The following ALG9 variants were observed in gnomAD, a reference collection of about 807,000 sequenced individuals.
ALG9 encodes ALG9 alpha-1,2-mannosyltransferase.
A neutral mutation model predicts 81.8 loss-of-function variants in ALG9; 55 were observed. The ratio of observed to expected loss-of-function variants is 0.67; its 90% confidence interval spans 0.54 to 0.84. The LOEUF (loss-of-function observed/expected upper bound fraction) is 0.84, where lower values mean the gene tolerates loss of function less well. Among genes scored for constraint, ALG9 ranks in the 40% least tolerant of loss-of-function variants. ALG9 has a pLI of 0.00. For missense variants in ALG9, 629 were observed against 745.0 expected, an observed-to-expected ratio of 0.84 and a Z score of 1.81; for synonymous variants, 278 against 274.3, an observed-to-expected ratio of 1.01 and a Z score of -0.13.
intron 14 of ALG9, chr11:111,788,292 G>A (rs1555067031): frequency 7.6e-6 from 3 of 395,702 alleles, no homozygotes; most frequent in Admixed American, 3.1e-5. Flanking sequence ...CAACTAGGAC[G>A]CTGGCAGTGC....
chr11:111,837,447 A>G (rs1322547171), intron 12 of ALG9, 21 bp downstream of exon 12: 1 of 1,613,534 alleles, frequency 6.2e-7, no homozygotes, highest in African/African-American at 1.3e-5. Flanking sequence ...TTAAAACCCT[A>G]GGAATTAAAG....
rs1555157382 is a variant in ALG9 at position 111,870,382 on chromosome 11, C to CCAAAAAAAAAAAAAAAA, written c.132-13_132-12insTTTTTTTTTTTTTTTTG. 1.4e-6 allele frequency: 1 copy of CCAAAAAAAAAAAAAAAA among 728,694 alleles called. No homozygotes were observed. The highest frequency in any genetic ancestry group is 1.7e-6 in the Non-Finnish European group (1 of 595,192). The allele number at this position is 728,694 out of a possible 1,614,324, so 45.1% of individuals were successfully genotyped here. ...TGTTCCCAGATAACCTGTTCAAAAGCAAAAAAAAAAAAAAAAAAAAAAGCA... is the reference window on the plus strand; with the variant it reads ...TGTTCCCAGATAACCTGTTCAAAAGCCAAAAAAAAAAAAAAAAAAAAAAAAAAAAAAAAAAAAAAGCA... On this transcript the variant is annotated splice_polypyrimidine_tract_variant and intron_variant, in intron 1 of 14. Transcript: ENST00000616540.
Position 111,837,369 on chromosome 11 carries a change from G to A in ALG9, c.1472+99C>T, listed in dbSNP as rs1955485695. The A allele has an allele frequency of 2.1e-6, 3 of 1,409,998 alleles. No individual in the cohort carries two copies. In the African/African-American group the frequency reaches 4.2e-5, roughly 20 times the overall value. 87.3% of individuals were successfully genotyped at this position (1,409,998 alleles called of 1,614,324 possible). A position where few individuals can be genotyped will look rare whatever the true frequency, so the allele number is the denominator to read the frequency against. Reference sequence around the variant, plus strand: ...GTGGTAGATAATTCAATAACTCTCTGTGAAAACTCCAAAAGAAAACAAAAA... The same window carrying A: ...GTGGTAGATAATTCAATAACTCTCTATGAAAACTCCAAAAGAAAACAAAAA... On this transcript the variant is annotated intron_variant, in intron 12 of 14. Transcript: ENST00000616540.
At chr11:111,776,891 T>G in the ALG9 span, among the ~76,000 whole-genome samples, 1 of 152,354 alleles carries the variant, frequency 6.6e-6, no homozygotes, top group Non-Finnish European at 1.5e-5. Flanking sequence ...TTCTAAGGCC[T>G]TTCACTTTAC....
chr11:111,850,669 T>C (rs1957628778), intron 8 of ALG9, among the ~76,000 whole-genome samples: 1 of 123,008 alleles, frequency 8.1e-6, no homozygotes, highest in Non-Finnish European at 1.6e-5. Flanking sequence ...ATCGCACCAC[T>C]GCACTCCAGC....
intron 13 of ALG9, among the ~76,000 whole-genome samples, chr11:111,813,991 T>C (rs1370043773): frequency 1.3e-5 from 2 of 152,226 alleles, no homozygotes; most frequent in Admixed American, 6.5e-5. Flanking sequence ...TATTTGATGT[T>C]TGAGCCACAA....
intron 4 of ALG9, among the ~76,000 whole-genome samples, chr11:111,861,786 C>G (rs1960243281): frequency 2.0e-5 from 3 of 151,776 alleles, no homozygotes; most frequent in African/African-American, 7.3e-5. Flanking sequence ...TTTTCCCTTT[C>G]TCTTTTTTTT....
chr11:111,850,323 T>C (rs1223608125), intron 8 of ALG9, among the ~76,000 whole-genome samples: 1 of 152,158 alleles, frequency 6.6e-6, no homozygotes, highest in Non-Finnish European at 1.5e-5. Context: ...CCTGTAAGTC[T>C]GGAATATACA....
intron 1 of ALG9, 106 bp downstream of exon 1, chr11:111,871,246 G>A (rs1192838992): frequency 2.3e-6 from 3 of 1,315,178 alleles, no homozygotes; most frequent in African/African-American, 3.1e-5. Context: ...CTCCCGCGGT[G>A]AGGCCAGGCC....
intron 14 of ALG9, among the ~76,000 whole-genome samples, chr11:111,803,671 C>T (rs914131892): frequency 1.3e-5 from 2 of 152,040 alleles, no homozygotes; most frequent in Non-Finnish European, 2.9e-5. Flanking sequence ...ATACAGTTAA[C>T]TATAAATCTC....
Position 111,853,710 on chromosome 11 carries a change from A to C in ALG9, c.728T>G (p.Val243Gly). 1 of 1,614,164 alleles carries C rather than the reference A, an allele frequency of 6.2e-7. No homozygotes were observed. Among genetic ancestry groups the C allele is most frequent in the South Asian group, 1.1e-5 (1 of 91,088 alleles). The change falls in exon 7 of 15, where the codon GTC becomes GGC. Residue 243 changes from valine to glycine, a missense_variant. This residue lies in a region of ALG9 where 344 missense variants were observed against 390.5 expected (regional missense o/e 0.88). Coordinates refer to ENST00000616540, the MANE Select transcript of ALG9 (RefSeq NM_024740.2). ...GAAACTCTTCCACCTGTGTTTCATG[A>C]CCAGCAAATCAAAGGCAATGGGTAA... ...LGLPIAFDLLVMKHRWKSFFH... is the reference protein window; with the variant it reads ...LGLPIAFDLLGMKHRWKSFFH...
chr11:111,810,284 G>A (rs1950521368), intron 13 of ALG9, among the ~76,000 whole-genome samples: 1 of 152,088 alleles, frequency 6.6e-6, no homozygotes, highest in Non-Finnish European at 1.5e-5. Context: ...CAGAGACATT[G>A]GAACGGCTCC....
At chr11:111,778,717 A>T (rs1200110335), downstream of ALG9, among the ~76,000 whole-genome samples, 1 of 151,794 alleles carries the variant, frequency 6.6e-6, no homozygotes, top group Non-Finnish European at 1.5e-5. Context: ...TCACCTGGAG[A>T]GTTTAAAAAA....
chr11:111,770,313 ATTGATT>A, the ALG9 span, among the ~76,000 whole-genome samples: 2 of 152,194 alleles, frequency 1.3e-5, no homozygotes, highest in African/African-American at 4.8e-5. Context: ...CTTGAAAACC[ATTGATT>A]TTAAAAGTTC....
At chr11:111,849,037 G>GTTTC (rs34647018) in intron 8 of ALG9, among the ~76,000 whole-genome samples, 2 of 151,124 alleles carry the variant, frequency 1.3e-5, no homozygotes, top group South Asian at 4.2e-4. Flanking sequence ...TTTATTCAAT[G>GTTTC]TTTCTTTCTT....
chr11:111,848,734 T>C (rs1555133599), intron 8 of ALG9, among the ~76,000 whole-genome samples: 1 of 152,138 alleles, frequency 6.6e-6, no homozygotes, highest in Admixed American at 6.5e-5. Flanking sequence ...TAAAAATAAG[T>C]TTTTATAAAG....
the ALG9 span, among the ~76,000 whole-genome samples, chr11:111,775,351 CT>C: frequency 2.0e-5 from 3 of 152,198 alleles, no homozygotes; most frequent in African/African-American, 7.2e-5. Context: ...CCAAGATCCC[CT>C]GGACACGAAA....
chr11:111,781,344 C>T (rs562980857), downstream of ALG9, among the ~76,000 whole-genome samples: 6 of 152,166 alleles, frequency 3.9e-5, no homozygotes, highest in Non-Finnish European at 8.8e-5. Flanking sequence ...TGGTGCATGC[C>T]TGTAGTCCTA....
intron 11 of ALG9, 72 bp from the exon 12 acceptor site, chr11:111,837,687 T>C: frequency 6.5e-7 from 1 of 1,533,996 alleles, no homozygotes; most frequent in African/African-American, 1.4e-5. Context: ...ATACTGCTCA[T>C]TAATGTCGCA....
Sources: allele counts gnomAD v4.1 joint callset (sites outside exome capture counted in the v4.1 genomes callset), GRCh38; gene constraint gnomAD v4.1.1; regional missense constraint gnomAD v4.1.1; transcripts MANE v1.5; gene names NCBI Gene and HGNC (gene_info 2026-07-23, HGNC 2026-07-21).